FBXL5: variants seen among roughly 807,000 people sequenced by gnomAD.
FBXL5 encodes the protein F-box/LRR-repeat protein 5.
A neutral mutation model predicts 78.3 loss-of-function variants in FBXL5; 26 were observed. The ratio of observed to expected loss-of-function variants is 0.33; its 90% CI spans 0.24 to 0.46. FBXL5 has a LOEUF of 0.46. Among genes scored for constraint, FBXL5 ranks in the 20% least tolerant of loss-of-function variants. The pLI is 1.00. For synonymous variants in FBXL5, 295 were observed against 282.5 expected (o/e 1.04, Z -0.45); for missense variants, 710 against 829.2 (o/e 0.86, Z 1.77).
chr4:15,644,459 T>C, intron 2 of FBXL5, 34 bp downstream of exon 2: 3 of 1,550,422 alleles, frequency 1.9e-6, no homozygotes, highest in Non-Finnish European at 2.6e-6. Context: ...ATGGCACAAG[T>C]TTTGACAGTT....
At chr4:15,632,891 C>G (rs1467906977) in intron 5 of FBXL5, among the ~76,000 whole-genome samples, 1 of 152,084 alleles carries the variant, frequency 6.6e-6, no homozygotes, top group East Asian at 1.9e-4. Context: ...ATTGAATACC[C>G]TTTATTTCTT....
intron 5 of FBXL5, among the ~76,000 whole-genome samples, chr4:15,633,909 T>C (rs978854501): frequency 6.6e-6 from 1 of 152,180 alleles, no homozygotes; most frequent in Admixed American, 6.5e-5. Context: ...GCCAATTTAC[T>C]GAACTCTTAA....
At chr4:15,659,003 A>G (rs1717167818), upstream of FBXL5, among the ~76,000 whole-genome samples, 1 of 152,224 alleles carries the variant, frequency 6.6e-6, no homozygotes, top group Non-Finnish European at 1.5e-5. Flanking sequence ...ACTCAGTTTC[A>G]TACTATCCAC....
intron 5 of FBXL5, among the ~76,000 whole-genome samples, chr4:15,633,320 G>C (rs865871672): frequency 6.6e-6 from 1 of 152,040 alleles, no homozygotes; most frequent in African/African-American, 2.4e-5. Flanking sequence ...ATCAAGTCTT[G>C]CATAAAATTT....
At position 15,630,776 on chromosome 4, in the gene FBXL5, C is replaced by T; in HGVS notation, c.782G>A (p.Gly261Asp). ...VHWARGDWYS[G>D]PATELDTEPD... ...TTCAGTATCAAGTTCAGTTGCGGGA[C>T]CACTATACCAGTCACCTACTCAATG... Residue 261 changes from glycine to aspartate, a missense_variant, in exon 6 of 11, where the codon GGT (glycine) becomes GAT (aspartate). Gly to Asp is a moderately conservative substitution (Grantham distance 94). Coordinates refer to ENST00000341285, the MANE Select transcript of FBXL5 (RefSeq NM_012161.4). The T allele has an allele frequency of 1.9e-6, 3 of 1,613,118 alleles. No homozygotes were observed. The highest frequency in any genetic ancestry group is 2.5e-6 in the Non-Finnish European group (3 of 1,179,636).
At chr4:15,647,526 A>G (rs1715496515) in intron 1 of FBXL5, among the ~76,000 whole-genome samples, 1 of 152,192 alleles carries the variant, frequency 6.6e-6, no homozygotes, top group Admixed American at 6.5e-5. Context: ...AGTTAAGAAA[A>G]ATAATATATT....
chr4:15,616,677 G>A (rs1711917260), intron 9 of FBXL5, among the ~76,000 whole-genome samples: 2 of 152,214 alleles, frequency 1.3e-5, no homozygotes, highest in Admixed American at 1.3e-4. Context: ...AAGGACCTCT[G>A]CAAGAAAAAG....
Position 15,612,433 on chromosome 4 carries a change from G to C in FBXL5, c.1851-19C>G, listed in dbSNP as rs759432301. On this transcript the variant is annotated intron_variant, in intron 9 of 10. Transcript: ENST00000341285. ...CAAAACCCTGTAAGAAAAATAATTTGACAATTAGAAGATACTAATCTATAA... is the reference window on the plus strand; with the variant it reads ...CAAAACCCTGTAAGAAAAATAATTTCACAATTAGAAGATACTAATCTATAA... 1 of 1,588,592 alleles carries C rather than the reference G, an allele frequency of 6.3e-7. No homozygotes were observed. The highest frequency in any genetic ancestry group is 8.5e-7 in the Non-Finnish European group (1 of 1,173,418).
intron 1 of FBXL5, among the ~76,000 whole-genome samples, chr4:15,677,418 G>A (rs984052062): frequency 3.9e-5 from 6 of 152,112 alleles, no homozygotes; most frequent in Non-Finnish European, 5.9e-5. Flanking sequence ...ATAGGGGTTG[G>A]GAGATAGAGA....
At chr4:15,611,557 C>T (rs538278661) in intron 10 of FBXL5, among the ~76,000 whole-genome samples, 1 of 152,072 alleles carries the variant, frequency 6.6e-6, no homozygotes, top group Non-Finnish European at 1.5e-5. Flanking sequence ...CTACCAGTGA[C>T]TATCAAATGT....
intron 1 of FBXL5, among the ~76,000 whole-genome samples, chr4:15,667,355 T>C (rs2148795421): frequency 6.6e-6 from 1 of 152,346 alleles, no homozygotes; most frequent in East Asian, 1.9e-4. Context: ...AAACAATTTC[T>C]ATTTTTTAGG....
chr4:15,626,828 A>G (rs1317598362), intron 8 of FBXL5, 45 bp downstream of exon 8: 2 of 1,348,602 alleles, frequency 1.5e-6, no homozygotes, highest in Non-Finnish European at 2.0e-6. Context: ...ATGAAACCTT[A>G]TAAAATAGTT....
At chr4:15,615,802 C>A (rs1340980305) in intron 9 of FBXL5, among the ~76,000 whole-genome samples, 1 of 151,976 alleles carries the variant, frequency 6.6e-6, no homozygotes, top group Non-Finnish European at 1.5e-5. Flanking sequence ...TTGGCTCTAC[C>A]AATCAGCAGG....
chr4:15,674,723 C>T (rs956213177), intron 1 of FBXL5, among the ~76,000 whole-genome samples: 5 of 151,366 alleles, frequency 3.3e-5, no homozygotes, highest in African/African-American at 9.7e-5. Flanking sequence ...GATCTTGGCT[C>T]ACTGCAAGCT....
chr4:15,612,448 C>T lies in FBXL5; in HGVS notation c.1851-34G>A, dbSNP rs763218995. 3.2e-6 allele frequency: 5 copies of T among 1,562,788 alleles called. No homozygotes were observed. The African/African-American group carries it at 7.8e-5, about 24-fold the overall frequency. Reference sequence around the variant, plus strand: ...AAAATAATTTGACAATTAGAAGATACTAATCTATAAAAATGTTTGTATTCC... The same window carrying T: ...AAAATAATTTGACAATTAGAAGATATTAATCTATAAAAATGTTTGTATTCC... On this transcript the variant is annotated intron_variant, in intron 9 of 10. Transcript: ENST00000341285.
chr4:15,635,690 T>C (rs531003065), intron 5 of FBXL5, among the ~76,000 whole-genome samples: 20 of 151,170 alleles, frequency 1.3e-4, no homozygotes, highest in African/African-American at 4.6e-4. Flanking sequence ...GAGGCAGAGG[T>C]TGCAGCGACC....
chr4:15,617,872 G>A (rs1340743018), intron 9 of FBXL5, among the ~76,000 whole-genome samples: 1 of 152,144 alleles, frequency 6.6e-6, no homozygotes, highest in African/African-American at 2.4e-5. Context: ...GGATTAATAC[G>A]TGAGTGATGG....
chr4:15,623,933 C>T (rs1409881366), intron 9 of FBXL5, among the ~76,000 whole-genome samples: 1 of 152,028 alleles, frequency 6.6e-6, no homozygotes, highest in Non-Finnish European at 1.5e-5. Context: ...CACCATTCTC[C>T]TGCCTCAGCC....
At chr4:15,647,222 C>CAAAAAAAAAAAACAAAAAAAAA (rs1715458648) in intron 1 of FBXL5, among the ~76,000 whole-genome samples, 1 of 36,530 alleles carries the variant, frequency 2.7e-5, no homozygotes, top group African/African-American at 1.1e-4. Context: ...GACTCCATCT[C>CAAAAAAAAAAAACAAAAAAAAA]AAAAAAAAAA....
Sources: allele counts gnomAD v4.1 joint callset (sites outside exome capture counted in the v4.1 genomes callset), GRCh38; gene constraint gnomAD v4.1.1; transcripts MANE v1.5; gene names NCBI Gene and HGNC (gene_info 2026-07-23, HGNC 2026-07-21).